ATRNL1: variants seen among roughly 807,000 people sequenced by gnomAD.
ATRNL1 encodes the protein attractin like 1.
ATRNL1 carries 95 observed loss-of-function variants against 182.7 expected under a neutral mutation model. The ratio of observed to expected loss-of-function variants is 0.52; its 90% CI spans 0.44 to 0.62. ATRNL1 has a LOEUF of 0.62. ATRNL1 is among the 20% of genes least tolerant of loss of function. The probability of loss-of-function intolerance (pLI) is 0.00; values close to 1 mark genes in which losing one functional copy is unlikely to be tolerated. For synonymous variants in ATRNL1, 576 were observed against 568.3 expected, an observed-to-expected ratio of 1.01 and a Z score of -0.19; for missense variants, 1,471 against 1,679.5, an observed-to-expected ratio of 0.88 and a Z score of 2.17.
At chr10:115,550,272 A>G (rs1852891190) in intron 26 of ATRNL1, among the ~76,000 whole-genome samples, 1 of 151,766 alleles carries the variant, frequency 6.6e-6, no homozygotes. Flanking sequence ...AATGTATTCT[A>G]TTGTATTAAT....
intron 15 of ATRNL1, among the ~76,000 whole-genome samples, chr10:115,293,490 A>G (rs1413903316): frequency 6.6e-6 from 1 of 151,612 alleles, no homozygotes; most frequent in Non-Finnish European, 1.5e-5. Flanking sequence ...TTGTAGTTAC[A>G]TGGCTTTTTG....
chr10:115,435,517 C>T (rs537698665), intron 21 of ATRNL1, among the ~76,000 whole-genome samples: 1 of 152,230 alleles, frequency 6.6e-6, no homozygotes, highest in African/African-American at 2.4e-5. Context: ...TTATAAATTA[C>T]CCAGTATGTG....
At chr10:115,483,791 T>C (rs1443270929) in intron 24 of ATRNL1, among the ~76,000 whole-genome samples, 1 of 151,702 alleles carries the variant, frequency 6.6e-6, no homozygotes, top group Admixed American at 6.6e-5. Flanking sequence ...TTTTATATGC[T>C]AGGTCAATGT....
At chr10:115,274,304 G>A (rs548890589) in intron 13 of ATRNL1, among the ~76,000 whole-genome samples, 8 of 152,192 alleles carry the variant, frequency 5.3e-5, no homozygotes, top group African/African-American at 1.7e-4. Context: ...TGGTAAATGG[G>A]TCAAAGTAAC....
chr10:115,828,319 A>G (rs1378775367), intron 27 of ATRNL1, among the ~76,000 whole-genome samples: 16 of 137,880 alleles, frequency 1.2e-4, no homozygotes, highest in African/African-American at 5.6e-4. Context: ...CTCCGTCTCA[A>G]AAAAAAAGAA....
intron 27 of ATRNL1, among the ~76,000 whole-genome samples, chr10:115,803,989 A>G (rs983238798): frequency 8.5e-5 from 13 of 152,166 alleles, no homozygotes; most frequent in South Asian, 6.2e-4. Flanking sequence ...GACTCATACC[A>G]CTGACATTTA....
intron 19 of ATRNL1, among the ~76,000 whole-genome samples, chr10:115,367,394 A>T (rs1490205595): frequency 7.3e-6 from 1 of 136,624 alleles, no homozygotes; most frequent in Non-Finnish European, 1.6e-5. Flanking sequence ...ACTTCTCCGT[A>T]TTGGTTATTC....
intron 24 of ATRNL1, among the ~76,000 whole-genome samples, chr10:115,481,432 G>T (rs1848760729): frequency 1.3e-5 from 2 of 150,592 alleles, no homozygotes; most frequent in African/African-American, 4.8e-5. Flanking sequence ...TGTATATTAT[G>T]CACTAGGCAT....
chr10:115,651,669 T>A (rs1050660678), intron 26 of ATRNL1, among the ~76,000 whole-genome samples: 13 of 152,174 alleles, frequency 8.5e-5, no homozygotes, highest in Non-Finnish European at 1.6e-4. Flanking sequence ...CTAATACAGC[T>A]TACGAGAAAT....
intron 19 of ATRNL1, among the ~76,000 whole-genome samples, chr10:115,340,460 T>TC (rs1855692576): frequency 7.4e-6 from 1 of 134,256 alleles, no homozygotes; most frequent in South Asian, 2.2e-4. Context: ...TCTTTTTTTT[T>TC]CTTTTCTTTT....
Position 115,890,902 on chromosome 10 carries a change from G to A in ATRNL1, c.4018+42911G>A, listed in dbSNP as rs142110618. Among the ~76,000 whole-genome samples the A allele has an allele frequency of 4.7e-4, 71 of 152,190 alleles. No homozygotes were observed. In the East Asian group the frequency reaches 0.012, roughly 26 times the overall value. On this transcript the variant is annotated intron_variant, in intron 28 of 28. Coordinates refer to ENST00000355044, the MANE Select transcript of ATRNL1 (RefSeq NM_207303.4). ...CAGTTTGGATATTAGAGTTATGGCC[G>A]TCAAGTTGGAGGCGGTCAGCCTGGT... is the stretch of plus-strand genomic sequence containing the variant.
chr10:115,104,187 A>G (rs568516223), intron 1 of ATRNL1, among the ~76,000 whole-genome samples: 60 of 152,298 alleles, frequency 3.9e-4, no homozygotes, highest in African/African-American at 1.4e-3. Flanking sequence ...CCTTTTCTCT[A>G]TATCCTTGCC....
intron 14 of ATRNL1, among the ~76,000 whole-genome samples, chr10:115,284,908 A>AATTGTG (rs1554918168): frequency 6.6e-6 from 1 of 152,220 alleles, no homozygotes; most frequent in Non-Finnish European, 1.5e-5. Context: ...AAACAGAAAT[A>AATTGTG]ATTGTGGAGA....
chr10:115,290,524 C>T (rs568000343), intron 15 of ATRNL1, among the ~76,000 whole-genome samples: 7 of 152,172 alleles, frequency 4.6e-5, no homozygotes, highest in African/African-American at 1.4e-4. Flanking sequence ...GGCCTGGTGG[C>T]GGGCGCCTGT....
In ATRNL1 at chr10:115,947,572, A is replaced by G. The variant is rs1953903071; in HGVS notation, c.*2793A>G. On this transcript the variant is annotated 3_prime_UTR_variant, in exon 29 of 29. Transcript: ENST00000355044. Reference sequence around the variant, plus strand: ...AGGATTAGGATTCTCATAATTCTTTAAATGAAAATTTGTTTTAGTGATACA... The same window carrying G: ...AGGATTAGGATTCTCATAATTCTTTGAATGAAAATTTGTTTTAGTGATACA... 6.5e-6 allele frequency: 1 copy of G among 152,678 alleles called. No homozygotes were observed. The highest frequency in any genetic ancestry group is 1.5e-5 in the Non-Finnish European group (1 of 68,046). The allele number at this position is 152,678 out of a possible 1,614,324, so 9.5% of individuals were successfully genotyped here. A position where few individuals can be genotyped will look rare whatever the true frequency, so the allele number is the denominator to read the frequency against.
chr10:115,815,943 C>A (rs183556482), intron 27 of ATRNL1, among the ~76,000 whole-genome samples: 1 of 152,186 alleles, frequency 6.6e-6, no homozygotes, highest in East Asian at 1.9e-4. Context: ...ATTTCATAAA[C>A]CTTCAGTATT....
intron 20 of ATRNL1, among the ~76,000 whole-genome samples, chr10:115,412,716 C>T (rs1234435455): frequency 1.3e-5 from 2 of 152,116 alleles, no homozygotes; most frequent in Non-Finnish European, 2.9e-5. Flanking sequence ...CAGATTAAGA[C>T]TTTTCCTAGA....
intron 26 of ATRNL1, among the ~76,000 whole-genome samples, chr10:115,665,795 G>A (rs1860966227): frequency 6.6e-6 from 1 of 152,130 alleles, no homozygotes; most frequent in African/African-American, 2.4e-5. Context: ...GCAGACATTG[G>A]ACCAAAGCAG....
At chr10:115,355,560 A>T (rs1017515610) in intron 19 of ATRNL1, among the ~76,000 whole-genome samples, 1 of 152,116 alleles carries the variant, frequency 6.6e-6, no homozygotes, top group Non-Finnish European at 1.5e-5. Flanking sequence ...TTTTATGTAC[A>T]TATTTGTTTA....
Sources: allele counts gnomAD v4.1 joint callset (sites outside exome capture counted in the v4.1 genomes callset), GRCh38; gene constraint gnomAD v4.1.1; transcripts MANE v1.5; gene names NCBI Gene and HGNC (gene_info 2026-07-23, HGNC 2026-07-21).